ANO2: variants seen among roughly 807,000 people sequenced by gnomAD.
ANO2 encodes anoctamin 2, also known as anoctamin-2.
ANO2 carries 101 observed loss-of-function variants against 124.2 expected under a neutral mutation model. That is an observed-to-expected ratio of 0.81 (90% CI 0.69 to 0.96). The LOEUF (loss-of-function observed/expected upper bound fraction) is 0.96. Among genes scored for constraint, ANO2 ranks in the 40% least tolerant of loss-of-function variants. The pLI, the probability that ANO2 is intolerant of heterozygous loss-of-function variation, is 0.00. For synonymous variants in ANO2, 486 were observed against 482.5 expected, an observed-to-expected ratio of 1.01 and a Z score of -0.09; for missense variants, 1,293 against 1,274.5, an observed-to-expected ratio of 1.01 and a Z score of -0.22.
At chr12:5,696,379 C>A in intron 14 of ANO2, among the ~76,000 whole-genome samples, 1 of 152,116 alleles carries the variant, frequency 6.6e-6, no homozygotes, top group Middle Eastern at 3.4e-3. Flanking sequence ...AAATTTCATA[C>A]CAATAACTTG....
intron 10 of ANO2, among the ~76,000 whole-genome samples, chr12:5,758,554 G>A (rs2137103290): frequency 6.6e-6 from 1 of 152,258 alleles, no homozygotes; most frequent in Admixed American, 6.5e-5. Context: ...AGGCATGCAG[G>A]GACTGCTGAA....
At chr12:5,783,595 C>T (rs1441417018) in intron 10 of ANO2, among the ~76,000 whole-genome samples, 2 of 152,182 alleles carry the variant, frequency 1.3e-5, no homozygotes, top group Admixed American at 6.5e-5. Flanking sequence ...ATACTCCTGC[C>T]GCTCATTTCA....
In ANO2 at chr12:5,578,001, C is replaced by A. The variant is rs772316621; in HGVS notation, c.2393G>T (p.Trp798Leu). 3.1e-6 allele frequency: 5 copies of A among 1,613,566 alleles called. No homozygotes were observed. The African/African-American group carries it at 6.7e-5, about 22-fold the overall frequency. ...DAVRTKDIGIWFDILSGIGKF... is the reference protein window; with the variant it reads ...DAVRTKDIGILFDILSGIGKF... The stretch of plus-strand genomic sequence containing the variant: ...GCCAATTCCAGAGAGAATGTCAAAC[C>A]AGATTCCTACAAGACAGAAAAGACA... Residue 798 changes from tryptophan (W) to leucine (L), a missense_variant, in exon 22 of 25, where the codon TGG becomes TTG. Coordinates refer to ENST00000682330, the MANE Select transcript of ANO2 (RefSeq NM_001364791.2).
At chr12:5,941,173 A>G (rs1942879768) in intron 1 of ANO2, among the ~76,000 whole-genome samples, 1 of 152,196 alleles carries the variant, frequency 6.6e-6, no homozygotes, top group South Asian at 2.1e-4. Context: ...TTTAAACTAG[A>G]TTGCGGTGAT....
rs1026664299 is a variant in ANO2, at chr12:5,827,835, C to G, written c.841-15G>C. ...ATCTCGTGCACCTAAAAGGGGACGA[C>G]AGCAGAGCTGTGAGCTCCTAGTTCC... On this transcript the variant is annotated splice_polypyrimidine_tract_variant and intron_variant, in intron 6 of 24. Transcript: ENST00000682330. 1 of 1,607,310 alleles carries G rather than the reference C, an allele frequency of 6.2e-7. No homozygotes were observed. Among genetic ancestry groups the G allele is most frequent in the Non-Finnish European group, 8.5e-7 (1 of 1,177,190 alleles).
intron 1 of ANO2, among the ~76,000 whole-genome samples, chr12:5,930,916 A>T (rs974818225): frequency 2.6e-5 from 4 of 152,118 alleles, no homozygotes; most frequent in African/African-American, 4.8e-5. Context: ...CTTGTCTTAT[A>T]GCCTTGGCTC....
intron 14 of ANO2, among the ~76,000 whole-genome samples, chr12:5,678,854 G>T (rs1340929242): frequency 2.0e-5 from 3 of 152,240 alleles, no homozygotes; most frequent in African/African-American, 7.2e-5. Flanking sequence ...GTATATCCGT[G>T]AAGATCTCAG....
intron 14 of ANO2, among the ~76,000 whole-genome samples, chr12:5,700,354 G>A (rs1036590247): frequency 1.6e-4 from 24 of 152,250 alleles, no homozygotes; most frequent in African/African-American, 4.6e-4. Context: ...GGTACAAAAC[G>A]AAATGAAGGC....
intron 19 of ANO2, among the ~76,000 whole-genome samples, chr12:5,602,535 C>T (rs777625726): frequency 9.9e-5 from 15 of 152,040 alleles, no homozygotes; most frequent in Admixed American, 2.0e-4. Context: ...ATTACAAGCA[C>T]GAACCACCAC....
At chr12:5,878,021 T>C (rs569724225) in intron 3 of ANO2, among the ~76,000 whole-genome samples, 26 of 152,342 alleles carry the variant, frequency 1.7e-4, no homozygotes, top group South Asian at 1.4e-3. Context: ...AAAGCATTAA[T>C]ACCTATGCAG....
chr12:5,854,775 T>G (rs997013939), intron 3 of ANO2, among the ~76,000 whole-genome samples: 10 of 152,310 alleles, frequency 6.6e-5, no homozygotes, highest in African/African-American at 2.4e-4. Context: ...TGTGTTGATT[T>G]CTCTCAAAAC....
At chr12:5,901,318 G>T (rs895792042) in intron 3 of ANO2, among the ~76,000 whole-genome samples, 1 of 152,160 alleles carries the variant, frequency 6.6e-6, no homozygotes, top group Non-Finnish European at 1.5e-5. Flanking sequence ...AATTGCTGGG[G>T]GATTCATGAG....
chr12:5,807,955 G>A (rs1355306035), intron 7 of ANO2, among the ~76,000 whole-genome samples: 6 of 152,322 alleles, frequency 3.9e-5, no homozygotes, highest in South Asian at 4.1e-4. Context: ...CAGCACTAAC[G>A]GTTTCTAACT....
intron 3 of ANO2, among the ~76,000 whole-genome samples, chr12:5,889,296 ACAGTG>A (rs1224006929): frequency 3.3e-5 from 5 of 152,230 alleles, no homozygotes; most frequent in Non-Finnish European, 7.3e-5. Context: ...AGGGGCTCCC[ACAGTG>A]CAGCAGCAGG....
chr12:5,600,201 A>C (rs897784479), intron 19 of ANO2, among the ~76,000 whole-genome samples: 2 of 138,114 alleles, frequency 1.4e-5, no homozygotes, highest in African/African-American at 5.2e-5. Flanking sequence ...AATAAGGTCA[A>C]AAAGGTGGGG....
chr12:5,847,572 T>C (rs1443933909), intron 4 of ANO2, among the ~76,000 whole-genome samples: 2 of 151,314 alleles, frequency 1.3e-5, no homozygotes, highest in Non-Finnish European at 2.9e-5. Flanking sequence ...CTGAGTAGAG[T>C]CCCTCAGGCC....
chr12:5,804,527 G>T (rs1352382937), intron 9 of ANO2, among the ~76,000 whole-genome samples: 1 of 152,110 alleles, frequency 6.6e-6, no homozygotes, highest in South Asian at 2.1e-4. Context: ...ATCAACTTTG[G>T]GAGTTATCCA....
chr12:5,812,995 C>A (rs1953479508), intron 7 of ANO2, among the ~76,000 whole-genome samples: 1 of 22,028 alleles, frequency 4.5e-5, no homozygotes, highest in Non-Finnish European at 1.8e-4. Context: ...GGTAAGCAAA[C>A]AAGCAAGAAA....
Position 5,565,540 on chromosome 12 carries a change from C to A in ANO2, c.2727+18G>T. ...CAGCCCGGATTCGAATGGGCTATTC[C>A]CTATCCCAGCAACTCACCTGGAAGA... On this transcript the variant is annotated intron_variant, in intron 24 of 24. Coordinates refer to ENST00000682330, the MANE Select transcript of ANO2 (RefSeq NM_001364791.2). 6.4e-7 allele frequency: 1 copy of A among 1,571,784 alleles called. No homozygotes were observed. The highest frequency in any genetic ancestry group is 2.3e-5 in the East Asian group (1 of 43,418).
Sources: gnomAD v4.1 joint callset for allele counts (sites outside exome capture counted in the v4.1 genomes callset) on GRCh38, gnomAD v4.1.1 for gene constraint, MANE v1.5 for transcripts, NCBI Gene and HGNC (gene_info 2026-07-23, HGNC 2026-07-21) for gene names.